CMSS1: variants seen among roughly 807,000 people sequenced by gnomAD.
CMSS1 encodes cms1 ribosomal small subunit homolog, also known as protein CMSS1.
In CMSS1, 33 loss-of-function variants were observed where a neutral mutation model predicts 43.5. The observed-to-expected ratio is 0.76, with a 90% confidence interval of 0.57 to 1.01. The LOEUF is 1.01. CMSS1 is among the 50% of genes least tolerant of loss of function. The pLI, the probability that CMSS1 is intolerant of heterozygous loss-of-function variation, is 0.00. For synonymous variants in CMSS1, 115 were observed against 117.2 expected (o/e 0.98, Z 0.12); for missense variants, 313 against 326.4 (o/e 0.96, Z 0.32).
chr3:100,072,362 G>A (rs1324984188), intron 1 of CMSS1, among the ~76,000 whole-genome samples: 1 of 152,196 alleles, frequency 6.6e-6, no homozygotes, highest in African/African-American at 2.4e-5. Flanking sequence ...ACTTGAACAT[G>A]GCTCTGAGAG....
chr3:100,012,218 T>C (rs80301944), intron 1 of CMSS1, among the ~76,000 whole-genome samples: 1 of 152,136 alleles, frequency 6.6e-6, no homozygotes, highest in Admixed American at 6.5e-5. Flanking sequence ...ATATCTAAAA[T>C]TATTTGTTTT....
At chr3:99,869,396 G>C (rs1373901076) in intron 1 of CMSS1, among the ~76,000 whole-genome samples, 1 of 152,186 alleles carries the variant, frequency 6.6e-6, no homozygotes, top group Non-Finnish European at 1.5e-5. Flanking sequence ...AAAGCCTCAA[G>C]AATAATATGC....
intron 1 of CMSS1, among the ~76,000 whole-genome samples, chr3:99,875,583 A>G (rs565157065): frequency 2.6e-4 from 39 of 152,326 alleles, no homozygotes; most frequent in Non-Finnish European, 5.6e-4. Flanking sequence ...GATTCGTCTT[A>G]ATTCCAAGAT....
chr3:99,919,196 GTGTTTAT>G (rs2107648314), intron 1 of CMSS1, among the ~76,000 whole-genome samples: 1 of 152,014 alleles, frequency 6.6e-6, no homozygotes, highest in Admixed American at 6.6e-5. Context: ...TTAGTTTAAT[GTGTTTAT>G]TGATTTCTCC....
At chr3:99,993,456 G>GAA (rs2107140439) in intron 1 of CMSS1, among the ~76,000 whole-genome samples, 2 of 152,094 alleles carry the variant, frequency 1.3e-5, no homozygotes, top group South Asian at 4.1e-4. Context: ...TTTCCAATTT[G>GAA]AATGCCTCTT....
rs116301064 is a variant in CMSS1, at chr3:100,022,235, G to A, written c.65-124738G>A. On this transcript the variant is annotated intron_variant, in intron 1 of 9. Coordinates refer to ENST00000421999, the MANE Select transcript of CMSS1 (RefSeq NM_032359.4). ...AGTAGCATTGAGAGAGATGTCAAACGTCAAACACAGTTCTGTCCTGAAGAA... is the reference window on the plus strand; with the variant it reads ...AGTAGCATTGAGAGAGATGTCAAACATCAAACACAGTTCTGTCCTGAAGAA... 1.7e-3 allele frequency among the ~76,000 whole-genome samples: 264 copies of A among 152,230 alleles called. 1 individual carries two copies. The highest frequency in any genetic ancestry group is 6.1e-3 in the African/African-American group (254 of 41,556).
At chr3:99,961,615 T>C (rs564420614) in intron 1 of CMSS1, among the ~76,000 whole-genome samples, 463 of 152,310 alleles carry the variant, frequency 3.0e-3, no homozygotes, top group African/African-American at 0.011. Flanking sequence ...TTTGGGGAGC[T>C]GGAAAGGCTC....
intron 1 of CMSS1, among the ~76,000 whole-genome samples, chr3:99,944,001 T>A (rs1053882719): frequency 1.5e-4 from 23 of 152,156 alleles, no homozygotes; most frequent in Non-Finnish European, 3.1e-4. Context: ...TCATAGCTTA[T>A]CCTAATGGAG....
At chr3:100,120,463 T>A (rs1421596417) in intron 1 of CMSS1, among the ~76,000 whole-genome samples, 3 of 152,192 alleles carry the variant, frequency 2.0e-5, no homozygotes, top group African/African-American at 7.2e-5. Flanking sequence ...GAGTTAGAAG[T>A]CTTTCTCCCC....
intron 2 of CMSS1, among the ~76,000 whole-genome samples, chr3:100,147,591 T>C (rs540795546): frequency 6.6e-6 from 1 of 152,166 alleles, no homozygotes; most frequent in Non-Finnish European, 1.5e-5. Flanking sequence ...TTTTTAACTA[T>C]ATAAATGCAT....
intron 1 of CMSS1, among the ~76,000 whole-genome samples, chr3:99,820,187 C>T (rs1253563087): frequency 1.3e-5 from 2 of 151,862 alleles, no homozygotes; most frequent in Admixed American, 6.6e-5. Context: ...TCCTTCTAGC[C>T]ATAAGACTAA....
At chr3:99,926,391 G>T (rs1707293821) in intron 1 of CMSS1, among the ~76,000 whole-genome samples, 3 of 152,220 alleles carry the variant, frequency 2.0e-5, no homozygotes, top group Admixed American at 6.5e-5. Flanking sequence ...ATCTTCTGAG[G>T]AGGCTCTAGT....
At chr3:99,872,181 A>G (rs1944823480) in intron 1 of CMSS1, among the ~76,000 whole-genome samples, 1 of 150,302 alleles carries the variant, frequency 6.7e-6, no homozygotes, top group Non-Finnish European at 1.5e-5. Flanking sequence ...TGTGGACATC[A>G]GTTTCTTCTG....
At chr3:100,151,298 A>G (rs1219090925) in intron 2 of CMSS1, among the ~76,000 whole-genome samples, 1 of 152,250 alleles carries the variant, frequency 6.6e-6, no homozygotes, top group African/African-American at 2.4e-5. Flanking sequence ...AAAATAAAAC[A>G]AAAACATTTA....
intron 1 of CMSS1, among the ~76,000 whole-genome samples, chr3:100,014,203 T>C (rs964296480): frequency 8.6e-5 from 13 of 151,030 alleles, no homozygotes; most frequent in Non-Finnish European, 1.6e-4. Flanking sequence ...TGTATATATA[T>C]ATTATATATA....
intron 1 of CMSS1, among the ~76,000 whole-genome samples, chr3:100,002,613 A>G (rs1709874573): frequency 1.3e-5 from 2 of 152,218 alleles, no homozygotes; most frequent in Non-Finnish European, 2.9e-5. Context: ...AACCAAATGC[A>G]TATCTGTCCA....
intron 1 of CMSS1, among the ~76,000 whole-genome samples, chr3:100,132,503 C>T (rs2066716700): frequency 6.6e-6 from 1 of 151,846 alleles, no homozygotes. Flanking sequence ...GACAAATGAA[C>T]AGTTAAGAAC....
In CMSS1 at chr3:99,918,408, G is replaced by A. The variant is rs142004256; in HGVS notation, c.64+100365G>A. On this transcript the variant is annotated intron_variant, in intron 1 of 9. Coordinates refer to ENST00000421999, the MANE Select transcript of CMSS1 (RefSeq NM_032359.4). ...TCCTGGTTCATCCCTCACTAGGCTT[G>A]TTAATGTTTTCTTTTTAGCATTCAT... Among the ~76,000 whole-genome samples, 578 of 152,306 alleles carry A rather than the reference G, an allele frequency of 3.8e-3. 3 individuals carry two copies. Among genetic ancestry groups the A allele is most frequent in the African/African-American group, 0.013 (550 of 41,564 alleles).
chr3:100,052,437 T>C (rs1193266101), intron 1 of CMSS1, among the ~76,000 whole-genome samples: 4 of 152,194 alleles, frequency 2.6e-5, no homozygotes, highest in African/African-American at 9.6e-5. Flanking sequence ...TCCGTGTGCA[T>C]GTCCTATTAG....
Sources: allele counts gnomAD v4.1 joint callset (sites outside exome capture counted in the v4.1 genomes callset), GRCh38; gene constraint gnomAD v4.1.1; transcripts MANE v1.5; gene names NCBI Gene and HGNC (gene_info 2026-07-23, HGNC 2026-07-21).